The following CDC20B variants were observed in gnomAD, a reference collection of about 807,000 sequenced individuals.
The protein encoded by CDC20B is cell division cycle protein 20 homolog B.
A neutral mutation model predicts 64.1 loss-of-function variants in CDC20B; 58 were observed. The observed-to-expected ratio is 0.90, with a 90% CI of 0.73 to 1.13. The LOEUF (loss-of-function observed/expected upper bound fraction) is 1.13. CDC20B is among the 50% of genes most tolerant of loss of function. The pLI is 0.00. For missense variants in CDC20B, 597 were observed against 633.0 expected, an observed-to-expected ratio of 0.94 and a Z score of 0.61; for synonymous variants, 243 against 230.6, an observed-to-expected ratio of 1.05 and a Z score of -0.49.
In CDC20B at chr5:55,114,265, A is replaced by C; in HGVS notation, c.1513T>G (p.Phe505Val). 6.2e-7 allele frequency: 1 copy of C among 1,613,894 alleles called. No individual in the cohort carries two copies. The highest frequency in any genetic ancestry group is 8.5e-7 in the Non-Finnish European group (1 of 1,179,888). The change falls in exon 12 of 12, where the codon TTT (phenylalanine) becomes GTT (valine). Residue 505 changes from phenylalanine to valine, a missense_variant. Physicochemically the swap from Phe to Val is conservative, Grantham distance 50. This residue lies in a region of CDC20B where 353 missense variants were observed against 397.0 expected (regional missense o/e 0.89). Transcript: ENST00000381375. The surrounding 1 kb of genome is among the most constrained non-coding windows in gnomAD (Gnocchi z 4.1). ...GCCGTCCCATCAGCTGCAGCAGAAA[A>C]CACCCGGGTCTGGTCTGGACTCAAA... ...LSLSPDQTRV[F>V]SAAADGTASV...
At chr5:55,154,203 G>A (rs778548875) in intron 2 of CDC20B, among the ~76,000 whole-genome samples, 3 of 152,146 alleles carry the variant, frequency 2.0e-5, no homozygotes, top group Admixed American at 6.5e-5. Flanking sequence ...GAAACCTGGG[G>A]TGCTTAGTCT....
intron 2 of CDC20B, among the ~76,000 whole-genome samples, chr5:55,157,328 G>C (rs1237958107): frequency 2.6e-5 from 4 of 152,210 alleles, no homozygotes; most frequent in Non-Finnish European, 5.9e-5. Context: ...TGTGTGCAGA[G>C]AAAGACTGCC....
At chr5:55,135,213 G>A (rs1364844842) in intron 5 of CDC20B, among the ~76,000 whole-genome samples, 2 of 150,834 alleles carry the variant, frequency 1.3e-5, no homozygotes, top group Non-Finnish European at 2.9e-5. Flanking sequence ...AAATAATAAA[G>A]TGTATGTGTG....
intron 5 of CDC20B, among the ~76,000 whole-genome samples, chr5:55,134,579 C>T (rs762700065): frequency 6.6e-6 from 1 of 152,114 alleles, no homozygotes; most frequent in African/African-American, 2.4e-5. Context: ...CTGGGCAACA[C>T]GGTGAAACCC....
chr5:55,152,792 C>A (rs1580358961), intron 2 of CDC20B, among the ~76,000 whole-genome samples: 1 of 152,170 alleles, frequency 6.6e-6, no homozygotes, highest in South Asian at 2.1e-4. Flanking sequence ...TTTTATCTTA[C>A]TATCCTCGGG....
chr5:55,164,308 C>G, intron 2 of CDC20B: 1 of 938,652 alleles, frequency 1.1e-6, no homozygotes. Flanking sequence ...GACAGTGTCT[C>G]ACTCTGTCAC....
rs138979071 is a variant in CDC20B at position 55,120,479 on chromosome 5, G to A, written c.1287C>T (p.His429=). The change falls in exon 10 of 12, where the codon CAC becomes CAT. Residue 429 remains histidine (H), a synonymous_variant. Coordinates refer to ENST00000381375, the MANE Select transcript of CDC20B (RefSeq NM_001170402.1). ...IGGGMKDGRL[H]ILDINAGKSI... Reference sequence around the variant, plus strand: ...TCTTCCCAGCATTTATATCCAAGATGTGTAAGCGTCCATCCTTCATTCCTC... The same window carrying A: ...TCTTCCCAGCATTTATATCCAAGATATGTAAGCGTCCATCCTTCATTCCTC... 306 of 1,613,738 alleles carry A rather than the reference G, an allele frequency of 1.9e-4. No homozygotes were observed. Among genetic ancestry groups the A allele is most frequent in the Admixed American group, 4.7e-4 (28 of 59,986 alleles).
intron 11 of CDC20B, among the ~76,000 whole-genome samples, chr5:55,115,631 T>C (rs1742605584): frequency 6.6e-6 from 1 of 152,150 alleles, no homozygotes; most frequent in Non-Finnish European, 1.5e-5. Context: ...TTTGAGTGGG[T>C]AGCTATTTGT....
At chr5:55,125,847 A>T (rs1347094896) in intron 8 of CDC20B, among the ~76,000 whole-genome samples, 1 of 152,188 alleles carries the variant, frequency 6.6e-6, no homozygotes, top group Non-Finnish European at 1.5e-5. Flanking sequence ...GGTTATTCCA[A>T]CTCCATCACT....
chr5:55,115,062 C>A (rs1179768216), intron 11 of CDC20B, among the ~76,000 whole-genome samples: 1 of 152,116 alleles, frequency 6.6e-6, no homozygotes, highest in Admixed American at 6.5e-5. Context: ...CCAGCCTTCC[C>A]CCAGAAGTAT....
chr5:55,168,046 A>G (rs780586330), intron 2 of CDC20B, among the ~76,000 whole-genome samples: 4 of 151,922 alleles, frequency 2.6e-5, no homozygotes, highest in African/African-American at 4.8e-5. Flanking sequence ...GGTGGAGCTG[A>G]TATGAGGACA....
intron 2 of CDC20B, among the ~76,000 whole-genome samples, chr5:55,147,332 ATGT>A (rs1197578233): frequency 7.1e-6 from 1 of 141,106 alleles, no homozygotes; most frequent in Non-Finnish European, 1.5e-5. Flanking sequence ...AAACATAAGT[ATGT>A]TGTTTTATAT....
rs1742564500 is a variant in CDC20B, at chr5:55,113,910, T to C, written c.*308A>G. ...AAGTCATACGGGAAAGAAGTAGAAA[T>C]CTTTGCTATAGATGTTATTCTGAAT... On this transcript the variant is annotated 3_prime_UTR_variant, in exon 12 of 12. Coordinates refer to ENST00000381375, the MANE Select transcript of CDC20B (RefSeq NM_001170402.1). 2 of 230,800 alleles carry C rather than the reference T, an allele frequency of 8.7e-6. No homozygotes were observed. The highest frequency in any genetic ancestry group is 5.4e-5 in the Admixed American group (1 of 18,554). 14.3% of individuals were successfully genotyped at this position (230,800 alleles called of 1,614,324 possible).
chr5:55,127,121 T>G, intron 8 of CDC20B, 136 bp downstream of exon 8: 1 of 717,742 alleles, frequency 1.4e-6, no homozygotes, highest in Non-Finnish European at 2.4e-6. Flanking sequence ...GGTGGGATCA[T>G]ACCTGATATT....
At chr5:55,124,039 T>C (rs1742817912) in intron 9 of CDC20B, among the ~76,000 whole-genome samples, 1 of 152,200 alleles carries the variant, frequency 6.6e-6, no homozygotes, top group Admixed American at 6.5e-5. Flanking sequence ...TGGGACTACG[T>C]TGAGGTCAAG....
chr5:55,136,075 C>G (rs1199229649), intron 5 of CDC20B: 1 of 152,112 alleles, frequency 6.6e-6, no homozygotes, highest in East Asian at 2.0e-4. Flanking sequence ...TCCCGAGTAG[C>G]TGGGACTACA....
chr5:55,168,742 G>C (rs1248137237), intron 2 of CDC20B, among the ~76,000 whole-genome samples: 1 of 152,106 alleles, frequency 6.6e-6, no homozygotes, highest in Non-Finnish European at 1.5e-5. Context: ...ATTACGGCAT[G>C]TTCCTCACTT....
chr5:55,140,266 CAGAG>C (rs771581323), intron 5 of CDC20B, 44 bp downstream of exon 5: 1 of 1,061,312 alleles, frequency 9.4e-7, no homozygotes, highest in South Asian at 1.6e-5. Flanking sequence ...ATGAAGGAGG[CAGAG>C]AGAGAGGAGC....
At chr5:55,151,130 G>A (rs1743656312) in intron 2 of CDC20B, among the ~76,000 whole-genome samples, 1 of 152,132 alleles carries the variant, frequency 6.6e-6, no homozygotes, top group Non-Finnish European at 1.5e-5. Context: ...TGGGGTCTCA[G>A]CCCCAGAAAC....
Sources: allele counts gnomAD v4.1 joint callset (sites outside exome capture counted in the v4.1 genomes callset), GRCh38; gene constraint gnomAD v4.1.1; regional missense constraint gnomAD v4.1.1; non-coding constraint Gnocchi (gnomAD v3.1); transcripts MANE v1.5; gene names NCBI Gene and HGNC (gene_info 2026-07-23, HGNC 2026-07-21).